The following SYNE3 variants were observed in gnomAD, a reference collection of about 807,000 sequenced individuals.
SYNE3 encodes spectrin repeat containing nuclear envelope family member 3.
SYNE3 carries 100 observed loss-of-function variants against 111.2 expected under a neutral mutation model. That is an observed-to-expected ratio of 0.90 (90% confidence interval 0.77 to 1.06). SYNE3 has a LOEUF of 1.06. Among genes scored for constraint, SYNE3 ranks in the 50% least tolerant of loss-of-function variants. The probability of loss-of-function intolerance (pLI) is 0.00; values close to 1 mark genes in which losing one functional copy is unlikely to be tolerated. For synonymous variants in SYNE3, 547 were observed against 533.9 expected (o/e 1.02, Z -0.34); for missense variants, 1,160 against 1,240.3 (o/e 0.94, Z 0.97).
chr14:95,467,886 G>C lies in SYNE3; in HGVS notation c.226C>G (p.Pro76Ala). The C allele has an allele frequency of 1.2e-5, 20 of 1,614,212 alleles. No homozygotes were observed. Among genetic ancestry groups the C allele is most frequent in the Non-Finnish European group, 1.7e-5 (20 of 1,180,032 alleles). ...RMAEALLACC[P>A]GDQKPGILAR... ...AGGATCCCGGGCTTCTGGTCCCCAG[G>C]GCAGCATGCCAAGAGGGCTTCAGCC... Residue 76 changes from proline (P) to alanine (A), a missense_variant, in exon 3 of 18, where the codon CCT becomes GCT. By Grantham distance (27) the Pro-to-Ala change is conservative. Coordinates refer to ENST00000682763, the MANE Select transcript of SYNE3 (RefSeq NM_152592.6).
chr14:95,480,837 C>T (rs1223170542), intron 1 of SYNE3, among the ~76,000 whole-genome samples: 1 of 152,234 alleles, frequency 6.6e-6, no homozygotes, highest in East Asian at 1.9e-4. Context: ...CCACGTGAGG[C>T]CCTTGTCCAA....
chr14:95,433,546 G>T (rs1374024900), intron 15 of SYNE3, 137 bp from the exon 16 acceptor site: 6 of 1,248,218 alleles, frequency 4.8e-6, no homozygotes, highest in Non-Finnish European at 6.6e-6. Context: ...CATAAAGTGG[G>T]ACTCCCATCT....
At chr14:95,442,183 A>G (rs1194313343) in intron 11 of SYNE3, among the ~76,000 whole-genome samples, 3 of 152,196 alleles carry the variant, frequency 2.0e-5, no homozygotes, top group Non-Finnish European at 4.4e-5. Context: ...CATTTCAGAA[A>G]ACCACATCAC....
intron 11 of SYNE3, among the ~76,000 whole-genome samples, chr14:95,442,879 A>G (rs1392503856): frequency 2.0e-5 from 3 of 152,146 alleles, no homozygotes; most frequent in Admixed American, 6.5e-5. Context: ...TTAATTGTCC[A>G]TCTACCCAAC....
intron 3 of SYNE3, among the ~76,000 whole-genome samples, chr14:95,467,061 G>A (rs1400664167): frequency 2.6e-5 from 4 of 152,202 alleles, no homozygotes; most frequent in African/African-American, 9.7e-5. Context: ...TAACATGGAG[G>A]TGGCTCTATC....
chr14:95,489,437 G>T (rs1889728441), intron 1 of SYNE3, among the ~76,000 whole-genome samples: 1 of 152,198 alleles, frequency 6.6e-6, no homozygotes, highest in African/African-American at 2.4e-5. Context: ...TGAGCCTTTT[G>T]TTCTCATTTG....
chr14:95,508,046 C>T (rs1310469445), intron 1 of SYNE3, among the ~76,000 whole-genome samples: 3 of 152,328 alleles, frequency 2.0e-5, no homozygotes, highest in South Asian at 4.1e-4. Flanking sequence ...GGCTGAGTGA[C>T]TCACCACTTC....
chr14:95,437,573 C>A (rs1263049733), intron 14 of SYNE3, among the ~76,000 whole-genome samples: 2 of 152,254 alleles, frequency 1.3e-5, no homozygotes, highest in Admixed American at 6.5e-5. Flanking sequence ...GATGTCTTAT[C>A]TTCCAGGAGA....
At chr14:95,510,251 C>T (rs1890674633) in intron 1 of SYNE3, among the ~76,000 whole-genome samples, 2 of 152,172 alleles carry the variant, frequency 1.3e-5, no homozygotes, top group South Asian at 4.1e-4. Context: ...ATTCACAGTG[C>T]AGCAACTGAC....
Position 95,417,968 on chromosome 14 carries a change from G to A in SYNE3, c.2786C>T (p.Pro929Leu). ...LFRRACCVAL[P>L]LQLLLLLFLL... ...GAACAGCAGCAGAAGCAGCTGCAGT[G>A]GGAGCGCCACACAGCACGCCCTCCG... Residue 929 changes from proline to leucine, a missense_variant, in exon 18 of 18, where the codon CCA (proline) becomes CTA (leucine). Transcript: ENST00000682763. The A allele has an allele frequency of 6.2e-7, 1 of 1,613,302 alleles. No individual in the cohort carries two copies. Among genetic ancestry groups the A allele is most frequent in the African/African-American group, 1.3e-5 (1 of 75,026 alleles).
rs1884851562 is a variant in SYNE3 at position 95,418,079 on chromosome 14, G to C, written c.2728-53C>G. The C allele has an allele frequency of 2.5e-6, 4 of 1,594,042 alleles. No individual in the cohort carries two copies. In the East Asian group the frequency reaches 6.7e-5, roughly 27 times the overall value. On this transcript the variant is annotated intron_variant, in intron 17 of 17. Transcript: ENST00000682763. ...TGGGCTGGGGGGCTCTGGTGGTGGG[G>C]GGCAGGTTCAGGGGGCGAGGAGGAT...
chr14:95,436,829 C>T lies in SYNE3; in HGVS notation c.2529G>A (p.Ser843=), dbSNP rs540053794. ...STAEDLRTRK[S]KLQELEARVP... is the part of the protein sequence containing the mutation. ...TTCCTGGGGAACAGACCTGCAGCTT[C>T]GATTTTCTGGTCCTCAAGTCCTCAG... Residue 843 remains serine (S), a synonymous_variant, in exon 15 of 18, where the codon TCG becomes TCA. Coordinates refer to ENST00000682763, the MANE Select transcript of SYNE3 (RefSeq NM_152592.6). 1.9e-5 allele frequency: 31 copies of T among 1,614,090 alleles called. No homozygotes were observed. Among genetic ancestry groups the T allele is most frequent in the African/African-American group, 1.3e-4 (10 of 75,034 alleles).
intron 1 of SYNE3, among the ~76,000 whole-genome samples, chr14:95,510,730 G>C (rs1004097287): frequency 6.6e-6 from 1 of 152,182 alleles, no homozygotes; most frequent in Non-Finnish European, 1.5e-5. Flanking sequence ...GGAGGTGGCA[G>C]TGAGCCGAGA....
intron 11 of SYNE3, among the ~76,000 whole-genome samples, chr14:95,441,127 G>A (rs1886392495): frequency 6.6e-6 from 1 of 152,184 alleles, no homozygotes; most frequent in Non-Finnish European, 1.5e-5. Flanking sequence ...TTCCAGCTGT[G>A]TTCCTTGAAT....
Position 95,475,675 on chromosome 14 carries a change from T to C in SYNE3, c.144+3A>G, listed in dbSNP as rs768635096. 8 of 1,546,624 alleles carry C rather than the reference T, an allele frequency of 5.2e-6. No homozygotes were observed. The highest frequency in any genetic ancestry group is 1.3e-5 in the South Asian group (1 of 79,956). ...GGCCATCTGAGGCCACGCCTCTGCA[T>C]ACCTCGGTCTCCCACAGCCTGGCCT... is the stretch of plus-strand genomic sequence containing the variant. On this transcript the variant is annotated splice_donor_region_variant and intron_variant, in intron 2 of 17. Transcript: ENST00000682763.
At chr14:95,420,574 T>C (rs984412749) in intron 17 of SYNE3, among the ~76,000 whole-genome samples, 1 of 152,190 alleles carries the variant, frequency 6.6e-6, no homozygotes, top group Non-Finnish European at 1.5e-5. Context: ...TGACAAGGGA[T>C]GGTCTTCTCA....
chr14:95,449,162 C>T (rs1299397405), intron 8 of SYNE3, among the ~76,000 whole-genome samples: 3 of 152,178 alleles, frequency 2.0e-5, no homozygotes, highest in Admixed American at 1.3e-4. Context: ...CTGCTCATCC[C>T]ACAGCCATAC....
intron 1 of SYNE3, among the ~76,000 whole-genome samples, chr14:95,496,965 T>G (rs755571916): frequency 2.0e-5 from 3 of 152,248 alleles, no homozygotes; most frequent in Non-Finnish European, 2.9e-5. Context: ...GCTCTGCACT[T>G]GCTCTTTAGC....
chr14:95,461,495 C>G (rs978743198), intron 4 of SYNE3, among the ~76,000 whole-genome samples: 5 of 152,230 alleles, frequency 3.3e-5, no homozygotes, highest in African/African-American at 1.2e-4. Context: ...CTCCCTCTAG[C>G]AGGTGGTCAC....
Sources: gnomAD v4.1 joint callset for allele counts (sites outside exome capture counted in the v4.1 genomes callset) on GRCh38, gnomAD v4.1.1 for gene constraint, MANE v1.5 for transcripts, NCBI Gene and HGNC (gene_info 2026-07-23, HGNC 2026-07-21) for gene names.